AGBL4: variants seen among roughly 807,000 people sequenced by gnomAD.
AGBL4 encodes cytosolic carboxypeptidase 6.
In AGBL4, 58 loss-of-function variants were observed where a neutral mutation model predicts 66.4. The ratio of observed to expected loss-of-function variants is 0.87; its 90% CI spans 0.71 to 1.09. The LOEUF is 1.09. AGBL4 is among the 50% of genes least tolerant of loss of function. AGBL4 has a pLI of 0.00. For synonymous variants in AGBL4, 234 were observed against 222.9 expected, an observed-to-expected ratio of 1.05 and a Z score of -0.44; for missense variants, 579 against 631.0, an observed-to-expected ratio of 0.92 and a Z score of 0.88.
intron 3 of AGBL4, among the ~76,000 whole-genome samples, chr1:49,563,157 T>A (rs1212569659): frequency 6.6e-6 from 1 of 151,930 alleles, no homozygotes; most frequent in Non-Finnish European, 1.5e-5. Flanking sequence ...GCACATTGAT[T>A]TTGTATCCTG....
At chr1:49,784,402 A>G (rs1644403844) in intron 2 of AGBL4, among the ~76,000 whole-genome samples, 1 of 152,104 alleles carries the variant, frequency 6.6e-6, no homozygotes, top group African/African-American at 2.4e-5. Context: ...TCAATGAACT[A>G]TACTGAAAAA....
intron 2 of AGBL4, among the ~76,000 whole-genome samples, chr1:49,703,543 C>T (rs1485761176): frequency 6.6e-6 from 1 of 151,500 alleles, no homozygotes; most frequent in Non-Finnish European, 1.5e-5. Flanking sequence ...AAAAACACTT[C>T]CATCAAACTT....
chr1:49,435,924 C>A lies in AGBL4; in HGVS notation c.283-190060G>T, dbSNP rs1176086878. On this transcript the variant is annotated intron_variant, in intron 3 of 13. Coordinates refer to ENST00000371839, the MANE Select transcript of AGBL4 (RefSeq NM_032785.4). Reference sequence around the variant, plus strand: ...TCTATCTCCAAAGCCCATGCTTTTTCTATTATGCTCTTCTACATTTGTAAG... The same window carrying A: ...TCTATCTCCAAAGCCCATGCTTTTTATATTATGCTCTTCTACATTTGTAAG... Among the ~76,000 whole-genome samples the A allele has an allele frequency of 2.0e-5, 3 of 152,238 alleles. No individual in the cohort carries two copies. The East Asian group carries it at 5.8e-4, about 29-fold the overall frequency.
At chr1:49,884,030 G>GCAAC (rs1647733874) in intron 1 of AGBL4, among the ~76,000 whole-genome samples, 2 of 151,982 alleles carry the variant, frequency 1.3e-5, no homozygotes. Context: ...TGTTGCTATG[G>GCAAC]AATAACTTTT....
At chr1:48,530,970 T>C (rs1643901838), downstream of AGBL4, among the ~76,000 whole-genome samples, 1 of 152,192 alleles carries the variant, frequency 6.6e-6, no homozygotes, top group African/African-American at 2.4e-5. Context: ...TGTACACCTC[T>C]TGGTGCTGTC....
chr1:50,018,464 A>C (rs1662159138), intron 1 of AGBL4, among the ~76,000 whole-genome samples: 1 of 152,128 alleles, frequency 6.6e-6, no homozygotes, highest in East Asian at 1.9e-4. Flanking sequence ...TAAGAATGAA[A>C]TTTTTCCTTA....
intron 3 of AGBL4, among the ~76,000 whole-genome samples, chr1:49,496,769 G>T (rs989332190): frequency 6.9e-6 from 1 of 144,848 alleles, no homozygotes; most frequent in Non-Finnish European, 1.5e-5. Flanking sequence ...TTCATTCATC[G>T]GCTGATAGAT....
At chr1:48,777,421 C>G (rs1223581816) in intron 6 of AGBL4, among the ~76,000 whole-genome samples, 1 of 151,984 alleles carries the variant, frequency 6.6e-6, no homozygotes, top group African/African-American at 2.4e-5. Context: ...CCACCCTACC[C>G]GCGCCCCCAG....
intron 2 of AGBL4, among the ~76,000 whole-genome samples, chr1:49,774,602 A>T (rs1289596444): frequency 1.3e-5 from 2 of 152,220 alleles, no homozygotes; most frequent in Non-Finnish European, 2.9e-5. Flanking sequence ...CAGTTTTAAA[A>T]TTTGTGATTC....
intron 4 of AGBL4, among the ~76,000 whole-genome samples, chr1:49,107,704 AGAGAGAG>A (rs1645323759): frequency 7.1e-6 from 1 of 140,300 alleles, no homozygotes; most frequent in Non-Finnish European, 1.6e-5. Flanking sequence ...TGAGAGAGAG[AGAGAGAG>A]AGAGAGAGAG....
At chr1:49,821,565 C>T (rs1645370958) in intron 2 of AGBL4, among the ~76,000 whole-genome samples, 1 of 152,184 alleles carries the variant, frequency 6.6e-6, no homozygotes, top group African/African-American at 2.4e-5. Flanking sequence ...TGAGCTACTG[C>T]TCTCTGTAGA....
intron 5 of AGBL4, among the ~76,000 whole-genome samples, chr1:48,946,652 T>C (rs1032891385): frequency 6.6e-6 from 1 of 152,178 alleles, no homozygotes; most frequent in Non-Finnish European, 1.5e-5. Flanking sequence ...AAGCACTTGG[T>C]GCCAGGTCTG....
intron 3 of AGBL4, among the ~76,000 whole-genome samples, chr1:49,516,382 A>G (rs1649826175): frequency 6.6e-6 from 1 of 152,046 alleles, no homozygotes; most frequent in South Asian, 2.1e-4. Context: ...GAGCCCAAAT[A>G]AATAGATGTT....
chr1:48,534,141 G>C lies in AGBL4; in HGVS notation c.*32C>G, dbSNP rs1425657032. ...TCCCCAGCAGAAAATGCATGCTCCT[G>C]TCCCCATAAGACCTCCCAGGACTCC... On this transcript the variant is annotated 3_prime_UTR_variant, in exon 14 of 14. Coordinates refer to ENST00000371839, the MANE Select transcript of AGBL4 (RefSeq NM_032785.4). The C allele has an allele frequency of 6.4e-7, 1 of 1,551,338 alleles. No homozygotes were observed. The highest frequency in any genetic ancestry group is 1.2e-5 in the South Asian group (1 of 84,070).
At chr1:49,364,131 T>TTGGGAAACTGAGTGCCTATAATATTG (rs1352670683) in intron 3 of AGBL4, among the ~76,000 whole-genome samples, 2 of 152,154 alleles carry the variant, frequency 1.3e-5, no homozygotes, top group African/African-American at 4.8e-5. Flanking sequence ...ATAAGGCCGT[T>TTGGGAAACTGAGTGCCTATAATATTG]TGGGAAACTG....
intron 4 of AGBL4, among the ~76,000 whole-genome samples, chr1:49,191,392 A>C (rs1647115892): frequency 6.6e-6 from 1 of 152,228 alleles, no homozygotes; most frequent in Non-Finnish European, 1.5e-5. Context: ...TCAGTTTAGT[A>C]TTCTCAATGC....
At chr1:49,388,784 C>T (rs1225777617) in intron 3 of AGBL4, among the ~76,000 whole-genome samples, 1 of 152,066 alleles carries the variant, frequency 6.6e-6, no homozygotes, top group Non-Finnish European at 1.5e-5. Context: ...GGGTTCCCTA[C>T]TAGTGAGTGC....
intron 2 of AGBL4, among the ~76,000 whole-genome samples, chr1:49,736,196 A>G (rs1025760303): frequency 2.0e-5 from 3 of 152,128 alleles, no homozygotes; most frequent in Non-Finnish European, 4.4e-5. Flanking sequence ...TTCAAAGCCC[A>G]GTAGAATAAA....
chr1:49,355,207 T>G (rs762195330), intron 3 of AGBL4, among the ~76,000 whole-genome samples: 19 of 152,238 alleles, frequency 1.2e-4, no homozygotes, highest in Non-Finnish European at 8.8e-5. Context: ...AAATTTCATC[T>G]TAGATGTTTA....
Sources: gnomAD v4.1 joint callset for allele counts (sites outside exome capture counted in the v4.1 genomes callset) on GRCh38, gnomAD v4.1.1 for gene constraint, MANE v1.5 for transcripts, NCBI Gene and HGNC (gene_info 2026-07-23, HGNC 2026-07-21) for gene names.